CEP112: variants seen among roughly 807,000 people sequenced by gnomAD.
CEP112 encodes centrosomal protein of 112 kDa.
A neutral mutation model predicts 153.0 loss-of-function variants in CEP112; 127 were observed. That is an observed-to-expected ratio of 0.83 (90% CI 0.72 to 0.96). CEP112 has a LOEUF of 0.96. Ranked by LOEUF, CEP112 falls within the 40% of genes least tolerant of loss-of-function variation. The probability of loss-of-function intolerance (pLI) is 0.00; values close to 1 mark genes in which losing one functional copy is unlikely to be tolerated. For synonymous variants in CEP112, 358 were observed against 374.4 expected (o/e 0.96, Z 0.51); for missense variants, 1,089 against 1,101.2 (o/e 0.99, Z 0.16).
intron 23 of CEP112, among the ~76,000 whole-genome samples, chr17:65,710,597 T>C (rs981261000): frequency 8.5e-5 from 13 of 152,166 alleles, no homozygotes; most frequent in Non-Finnish European, 1.9e-4. Flanking sequence ...CAATCCAACA[T>C]GTCTGTGTGT....
At chr17:65,761,832 G>A (rs2052631133) in intron 21 of CEP112, among the ~76,000 whole-genome samples, 2 of 152,030 alleles carry the variant, frequency 1.3e-5, no homozygotes, top group South Asian at 4.2e-4. Context: ...TAGGGGAATG[G>A]TCCATGTGAG....
At chr17:65,951,737 T>TCCCGCGCCCCCCCC (rs763670851) in intron 18 of CEP112, among the ~76,000 whole-genome samples, 1 of 96,988 alleles carries the variant, frequency 1.0e-5, no homozygotes, top group Admixed American at 1.4e-4. Flanking sequence ...GCTCTAATCT[T>TCCCGCGCCCCCCCC]CCCCCGCCCC....
At chr17:65,672,707 C>T (rs891866322) in intron 24 of CEP112, among the ~76,000 whole-genome samples, 5 of 152,180 alleles carry the variant, frequency 3.3e-5, no homozygotes, top group Admixed American at 3.3e-4. Context: ...AAGCCAGGCA[C>T]TGTGGCTCTG....
At chr17:65,973,646 A>G (rs191744276) in intron 17 of CEP112, among the ~76,000 whole-genome samples, 1 of 152,308 alleles carries the variant, frequency 6.6e-6, no homozygotes, top group Admixed American at 6.5e-5. Flanking sequence ...AACGATACAT[A>G]CTGTCTGCTT....
chr17:65,756,304 G>T (rs1396156518), intron 21 of CEP112, among the ~76,000 whole-genome samples: 1 of 151,562 alleles, frequency 6.6e-6, no homozygotes, highest in Non-Finnish European at 1.5e-5. Context: ...GACTTGGGAG[G>T]CTGAGGCAGA....
intron 20 of CEP112, among the ~76,000 whole-genome samples, chr17:65,879,622 C>T (rs530625251): frequency 6.6e-6 from 1 of 151,562 alleles, no homozygotes; most frequent in East Asian, 1.9e-4. Context: ...AAAAACCAAC[C>T]CTGAAGGAAA....
intron 18 of CEP112, 53 bp downstream of exon 18, chr17:65,961,410 C>G: frequency 1.3e-6 from 2 of 1,498,214 alleles, no homozygotes; most frequent in Admixed American, 3.8e-5. Context: ...TGAGAATGTA[C>G]CTTCCTACTG....
At chr17:65,733,752 T>C (rs867605038) in intron 23 of CEP112, among the ~76,000 whole-genome samples, 1 of 152,200 alleles carries the variant, frequency 6.6e-6, no homozygotes, top group African/African-American at 2.4e-5. Flanking sequence ...CATTCATTTA[T>C]TCTGTGTATT....
chr17:65,775,370 G>A (rs536187538), intron 21 of CEP112, among the ~76,000 whole-genome samples: 131 of 152,186 alleles, frequency 8.6e-4, no homozygotes, highest in Non-Finnish European at 1.5e-3. Flanking sequence ...GCAGGGGAAG[G>A]GGGTTGAGGA....
At chr17:65,715,972 G>T (rs1040515622) in intron 23 of CEP112, among the ~76,000 whole-genome samples, 3 of 152,150 alleles carry the variant, frequency 2.0e-5, no homozygotes, top group Non-Finnish European at 4.4e-5. Flanking sequence ...GGAGGAAGTT[G>T]ATTACTTCTA....
intron 20 of CEP112, among the ~76,000 whole-genome samples, chr17:65,901,451 G>T (rs1258332890): frequency 1.3e-5 from 2 of 152,068 alleles, no homozygotes; most frequent in South Asian, 2.1e-4. Flanking sequence ...CATCCAATAA[G>T]ATTTCTTTTT....
At chr17:65,986,322 T>G (rs9303499) in intron 17 of CEP112, among the ~76,000 whole-genome samples, 1 of 151,986 alleles carries the variant, frequency 6.6e-6, no homozygotes, top group African/African-American at 2.4e-5. Context: ...TGAAAGCAAA[T>G]GTAAATTAGC....
rs548310381 is a variant in CEP112 at position 66,044,876 on chromosome 17, AAG to A, written c.1218+8858_1218+8859del. 2.9e-4 allele frequency among the ~76,000 whole-genome samples: 44 copies of A among 152,290 alleles called. No individual in the cohort carries two copies. In the East Asian group the frequency reaches 8.5e-3, roughly 29 times the overall value. On this transcript the variant is annotated intron_variant, in intron 12 of 26. Transcript: ENST00000535342. ...TCATGTTACGTCTATTCAATAAAAA[AAG>A]AATGACGAAAAAGAATGTGATGATT...
chr17:66,060,399 A>G (rs2066877423), intron 11 of CEP112, among the ~76,000 whole-genome samples: 1 of 152,224 alleles, frequency 6.6e-6, no homozygotes, highest in African/African-American at 2.4e-5. Context: ...AAATAGAAAA[A>G]GCGATCCTAA....
chr17:65,988,616 A>C (rs946536085), intron 17 of CEP112, among the ~76,000 whole-genome samples: 2 of 152,226 alleles, frequency 1.3e-5, no homozygotes, highest in African/African-American at 4.8e-5. Flanking sequence ...GAGTTGAAAA[A>C]TACATTTGCT....
intron 20 of CEP112, among the ~76,000 whole-genome samples, chr17:65,853,438 A>T (rs2058030751): frequency 6.6e-6 from 1 of 152,084 alleles, no homozygotes; most frequent in African/African-American, 2.4e-5. Context: ...ATCTGCAAAA[A>T]TTCTATTTCC....
intron 8 of CEP112, among the ~76,000 whole-genome samples, chr17:66,095,110 A>T (rs1301522032): frequency 2.0e-5 from 3 of 152,210 alleles, no homozygotes; most frequent in Admixed American, 2.0e-4. Flanking sequence ...AAAATTAAAA[A>T]TAGAACTACT....
chr17:66,128,478 T>C (rs1302298835), intron 6 of CEP112, among the ~76,000 whole-genome samples: 2 of 152,150 alleles, frequency 1.3e-5, no homozygotes, highest in Non-Finnish European at 2.9e-5. Flanking sequence ...TAGGAAGTTT[T>C]TAAGTTTTTT....
chr17:65,771,072 T>C (rs1315403136), intron 21 of CEP112, among the ~76,000 whole-genome samples: 1 of 151,930 alleles, frequency 6.6e-6, no homozygotes, highest in Non-Finnish European at 1.5e-5. Flanking sequence ...AAATTCCAAC[T>C]AATCGGCAAA....
Sources: gnomAD v4.1 joint callset for allele counts (sites outside exome capture counted in the v4.1 genomes callset) on GRCh38, gnomAD v4.1.1 for gene constraint, MANE v1.5 for transcripts, NCBI Gene and HGNC (gene_info 2026-07-23, HGNC 2026-07-21) for gene names.